GRK3: variants seen among roughly 807,000 people sequenced by gnomAD.
GRK3 encodes adrenergic, beta, receptor kinase 2.
GRK3 carries 54 observed loss-of-function variants against 95.7 expected under a neutral mutation model. The observed-to-expected ratio is 0.56, with a 90% confidence interval of 0.45 to 0.71. GRK3 has a LOEUF of 0.71. Ranked by LOEUF, GRK3 falls within the 30% of genes least tolerant of loss-of-function variation. The probability of loss-of-function intolerance (pLI) is 0.00; values close to 1 mark genes in which losing one functional copy is unlikely to be tolerated. For missense variants in GRK3, 649 were observed against 851.2 expected, an observed-to-expected ratio of 0.76 and a Z score of 2.96; for synonymous variants, 281 against 290.8, an observed-to-expected ratio of 0.97 and a Z score of 0.34.
rs145130423 is a variant in GRK3 at position 25,625,890 on chromosome 22, C to T, written c.191-18702C>T. ...CCCTGTCCAGTGGACACGTGACCCA[C>T]GTGACCTTACCTATCATTGGAGATG... On this transcript the variant is annotated intron_variant, in intron 2 of 20. Coordinates refer to ENST00000324198, the MANE Select transcript of GRK3 (RefSeq NM_005160.4). Among the ~76,000 whole-genome samples, 875 of 150,266 alleles carry T rather than the reference C, an allele frequency of 5.8e-3. 9 individuals carry two copies. Among genetic ancestry groups the T allele is most frequent in the African/African-American group, 0.019 (786 of 41,320 alleles).
intron 3 of GRK3, among the ~76,000 whole-genome samples, chr22:25,646,164 A>G (rs2084780920): frequency 6.6e-6 from 1 of 152,130 alleles, no homozygotes; most frequent in African/African-American, 2.4e-5. Flanking sequence ...TGTGAATCAT[A>G]AATAAGGCAA....
At chr22:25,638,824 C>T (rs2084722479) in intron 2 of GRK3, among the ~76,000 whole-genome samples, 1 of 152,216 alleles carries the variant, frequency 6.6e-6, no homozygotes, top group South Asian at 2.1e-4. Context: ...CATTGGAGTT[C>T]TGGCTGCCTT....
intron 11 of GRK3, 22 bp downstream of exon 11, chr22:25,687,689 A>G: frequency 6.2e-7 from 1 of 1,613,816 alleles, no homozygotes; most frequent in African/African-American, 1.3e-5. Context: ...TGACAGACTC[A>G]TTCTGCATAG....
rs539592528 is a variant in GRK3, at chr22:25,655,801, A to AT, written c.265-5775_265-5774insT. 1.1e-4 allele frequency among the ~76,000 whole-genome samples: 17 copies of AT among 152,244 alleles called. No homozygotes were observed. The East Asian group carries it at 3.3e-3, about 29-fold the overall frequency. On this transcript the variant is annotated intron_variant, in intron 3 of 20. Coordinates refer to ENST00000324198, the MANE Select transcript of GRK3 (RefSeq NM_005160.4). The stretch of plus-strand genomic sequence containing the variant: ...TCATAGTATGAGGGCTTCATATCTG[A>AT]ACTTCAGTTACCTCATCTATAAAGT...
chr22:25,584,578 A>C (rs5752108), intron 1 of GRK3, among the ~76,000 whole-genome samples: 5,400 of 146,578 alleles, frequency 0.037, no homozygotes, highest in African/African-American at 0.14. Flanking sequence ...TCATATGCGG[A>C]GGTTTCTAAG....
chr22:25,614,784 G>T (rs2084525459), intron 2 of GRK3, among the ~76,000 whole-genome samples: 1 of 152,276 alleles, frequency 6.6e-6, no homozygotes, highest in Admixed American at 6.5e-5. Context: ...TGGCAGCTGT[G>T]CACAAAGATC....
intron 1 of GRK3, among the ~76,000 whole-genome samples, chr22:25,604,146 C>T (rs1031974134): frequency 6.6e-6 from 1 of 152,156 alleles, no homozygotes; most frequent in Non-Finnish European, 1.5e-5. Flanking sequence ...AAGTTATTTT[C>T]TGCAGTTGAG....
At chr22:25,601,760 A>G (rs1191320347) in intron 1 of GRK3, among the ~76,000 whole-genome samples, 3 of 152,222 alleles carry the variant, frequency 2.0e-5, no homozygotes, top group Non-Finnish European at 4.4e-5. Context: ...AAGTAATACC[A>G]GAACAATGAA....
rs56260834 is a variant in GRK3 at position 25,620,006 on chromosome 22, TTGTGTGTGTGTGTGTGTGTGTGTGTGTG to T, written c.190+15578_190+15605del. 3.3e-5 allele frequency among the ~76,000 whole-genome samples: 3 copies of T among 90,322 alleles called. No individual in the cohort carries two copies. The Admixed American group carries it at 3.6e-4, about 11-fold the overall frequency. The allele number at this position is 90,322 out of a possible 152,430, so 59.3% of individuals were successfully genotyped here. ...TTACTCTTCCTTTCCTTTGTCTTTTTTGTGTGTGTGTGTGTGTGTGTGTGTGTGTGTGTGTGTGTGTGTGTGTGTGTGG... is the reference window on the plus strand; with the variant it reads ...TTACTCTTCCTTTCCTTTGTCTTTTTTGTGTGTGTGTGTGTGTGTGTGTGG... On this transcript the variant is annotated intron_variant, in intron 2 of 20. Transcript: ENST00000324198.
chr22:25,603,451 G>T (rs1361511385), intron 1 of GRK3, among the ~76,000 whole-genome samples: 1 of 152,124 alleles, frequency 6.6e-6, no homozygotes, highest in Non-Finnish European at 1.5e-5. Flanking sequence ...AAAGTTGAAT[G>T]TATGTGTGGT....
intron 2 of GRK3, among the ~76,000 whole-genome samples, chr22:25,619,408 AGT>A (rs2084563926): frequency 6.6e-6 from 1 of 152,160 alleles, no homozygotes; most frequent in African/African-American, 2.4e-5. Flanking sequence ...TCTTGCACAT[AGT>A]GATGGGCTGA....
chr22:25,724,935 A>G lies in GRK3; in HGVS notation c.*2485A>G, dbSNP rs1289252196. The G allele has an allele frequency of 1.3e-5, 2 of 152,062 alleles. No individual in the cohort carries two copies. The highest frequency in any genetic ancestry group is 2.9e-5 in the Non-Finnish European group (2 of 68,006). The allele number at this position is 152,062 out of a possible 1,614,324, so 9.4% of individuals were successfully genotyped here. On this transcript the variant is annotated 3_prime_UTR_variant, in exon 21 of 21. Coordinates refer to ENST00000324198, the MANE Select transcript of GRK3 (RefSeq NM_005160.4). ...GAGAACAGTGGGATGATCATGGCTC[A>G]CTGCAGCCTTGAATTCCTAGGTTCA...
At chr22:25,671,817 A>G (rs894642270) in intron 6 of GRK3, among the ~76,000 whole-genome samples, 14 of 152,264 alleles carry the variant, frequency 9.2e-5, no homozygotes, top group Admixed American at 4.6e-4. Context: ...TATGGTAGCC[A>G]GTAGCCAGAT....
At chr22:25,667,917 C>A in intron 6 of GRK3, 117 bp downstream of exon 6, 1 of 627,656 alleles carries the variant, frequency 1.6e-6, no homozygotes, top group Non-Finnish European at 2.8e-6. Context: ...ATTCACTGAC[C>A]ATGTACGATG....
At chr22:25,606,933 T>G (rs990245320) in intron 2 of GRK3, among the ~76,000 whole-genome samples, 15 of 152,228 alleles carry the variant, frequency 9.9e-5, no homozygotes, top group African/African-American at 3.6e-4. Flanking sequence ...TTGAGAGGGT[T>G]TAGCTGGTAA....
intron 9 of GRK3, among the ~76,000 whole-genome samples, chr22:25,682,932 T>C (rs372010179): frequency 6.6e-6 from 1 of 152,268 alleles, no homozygotes; most frequent in African/African-American, 2.4e-5. Context: ...CCTTCTGTGT[T>C]TGGCTTCTCT....
At chr22:25,669,945 C>T (rs2084967930) in intron 6 of GRK3, among the ~76,000 whole-genome samples, 2 of 152,188 alleles carry the variant, frequency 1.3e-5, no homozygotes, top group South Asian at 4.1e-4. Flanking sequence ...AATGGGAGTG[C>T]ACCCAAATGT....
chr22:25,649,166 T>C (rs2084809847), intron 3 of GRK3: 1 of 1,385,706 alleles, frequency 7.2e-7, no homozygotes, highest in Non-Finnish European at 1.0e-6. Flanking sequence ...CATTTGAATA[T>C]GTTCAGTCCT....
At chr22:25,595,989 A>T in intron 1 of GRK3, among the ~76,000 whole-genome samples, 1 of 152,196 alleles carries the variant, frequency 6.6e-6, no homozygotes, top group Admixed American at 6.5e-5. Flanking sequence ...ACGTGTATAT[A>T]TATGTATAAA....
Sources: gnomAD v4.1 joint callset for allele counts (sites outside exome capture counted in the v4.1 genomes callset) on GRCh38, gnomAD v4.1.1 for gene constraint, MANE v1.5 for transcripts, NCBI Gene and HGNC (gene_info 2026-07-23, HGNC 2026-07-21) for gene names.